LPIN1: variants seen among roughly 807,000 people sequenced by gnomAD.
The protein encoded by LPIN1 is phosphatidate phosphatase LPIN1.
Under a neutral mutation model 107.5 loss-of-function variants are expected in LPIN1, and 71 were observed. That is an observed-to-expected ratio of 0.66 (90% CI 0.55 to 0.80). LPIN1 has a LOEUF of 0.80. Ranked by LOEUF, LPIN1 falls within the 30% of genes least tolerant of loss-of-function variation. The pLI is 0.00. For missense variants in LPIN1, 1,043 were observed against 1,160.6 expected (o/e 0.90, Z 1.47); for synonymous variants, 445 against 452.6 (o/e 0.98, Z 0.21).
At chr2:11,777,055 T>G (rs1384607141) in intron 6 of LPIN1, among the ~76,000 whole-genome samples, 1 of 152,250 alleles carries the variant, frequency 6.6e-6, no homozygotes, top group Non-Finnish European at 1.5e-5. Flanking sequence ...ATAAGGCTAA[T>G]AAATACCTTG....
chr2:11,726,385 A>G (rs1664655501), intron 1 of LPIN1, among the ~76,000 whole-genome samples: 1 of 152,168 alleles, frequency 6.6e-6, no homozygotes, highest in South Asian at 2.1e-4. Context: ...ATAACCTGCA[A>G]GTGAATCCTA....
intron 1 of LPIN1, among the ~76,000 whole-genome samples, chr2:11,692,150 C>A (rs1268357917): frequency 6.6e-6 from 1 of 152,232 alleles, no homozygotes; most frequent in Non-Finnish European, 1.5e-5. Context: ...CTGAACATAC[C>A]TTGCTGTGCA....
intron 3 of LPIN1, among the ~76,000 whole-genome samples, chr2:11,770,314 A>T (rs555941905): frequency 6.6e-6 from 1 of 152,154 alleles, no homozygotes; most frequent in South Asian, 2.1e-4. Context: ...CTCCATACAG[A>T]TGCCTCTTAG....
chr2:11,693,333 G>A (rs4389306), intron 1 of LPIN1, among the ~76,000 whole-genome samples: 81,469 of 151,628 alleles, frequency 0.54, 22,794 homozygotes, highest in African/African-American at 0.7. Flanking sequence ...ACACTGATCT[G>A]GAGATCCCAG....
At chr2:11,823,375 C>A (rs1004014551) in intron 20 of LPIN1, among the ~76,000 whole-genome samples, 2 of 152,136 alleles carry the variant, frequency 1.3e-5, no homozygotes, top group African/African-American at 4.8e-5. Context: ...GCCTTAAAGC[C>A]GGGAGGTATT....
Position 11,755,578 on chromosome 2 carries a change from A to G in LPIN1, c.-10+8907A>G, listed in dbSNP as rs190410343. Among the ~76,000 whole-genome samples, 3 of 152,090 alleles carry G rather than the reference A, an allele frequency of 2.0e-5. No homozygotes were observed. The East Asian group carries it at 5.8e-4, about 29-fold the overall frequency. On this transcript the variant is annotated intron_variant, in intron 1 of 20. Coordinates refer to ENST00000674199, the MANE Select transcript of LPIN1 (RefSeq NM_001349206.2). ...ATGGCTGGGCTGGAGGGCTGAGGAG[A>G]AGGTTGAGGCTGAAAGATAGAGTTG...
chr2:11,723,911 C>G (rs1304430707), upstream of LPIN1: 1 of 152,182 alleles, frequency 6.6e-6, no homozygotes, highest in African/African-American at 2.4e-5. Context: ...ATTTAGGCAT[C>G]TTGATGCCTT....
At chr2:11,799,236 G>T (rs1472770807) in intron 14 of LPIN1, among the ~76,000 whole-genome samples, 1 of 152,032 alleles carries the variant, frequency 6.6e-6, no homozygotes, top group African/African-American at 2.4e-5. Context: ...ATGGCATGCT[G>T]CACAAATTTA....
intron 1 of LPIN1, chr2:11,677,831 C>A: frequency 1.9e-6 from 2 of 1,028,690 alleles, no homozygotes; most frequent in African/African-American, 1.6e-5. Context: ...CATTTGCGCC[C>A]AGAGCGCCTT....
At chr2:11,814,961 G>C in intron 17 of LPIN1, 127 bp from the exon 18 acceptor site, 5 of 847,150 alleles carry the variant, frequency 5.9e-6, no homozygotes, top group Non-Finnish European at 3.9e-6. Context: ...GTAGAATGTG[G>C]ACTTTTGTAT....
intron 1 of LPIN1, among the ~76,000 whole-genome samples, chr2:11,758,060 T>G (rs1407031160): frequency 1.3e-5 from 2 of 151,908 alleles, no homozygotes; most frequent in Non-Finnish European, 2.9e-5. Flanking sequence ...TTTAGCCTAC[T>G]GTCCTCAAGG....
chr2:11,697,927 C>T lies in LPIN1; in HGVS notation c.82-15829C>T, dbSNP rs1042437081. ...AGTCACAAGCCAGACTAGTCACGCA[C>T]CCCCGGCTGTGGGTGGCTTCCTGAC... On this transcript the variant is annotated intron_variant, in intron 1 of 21. Transcript: ENST00000449576. This position sits in a 1 kb window ranked among gnomAD's most constrained non-coding sequence, Gnocchi z 4.6. Among the ~76,000 whole-genome samples, 2 of 152,158 alleles carry T rather than the reference C, an allele frequency of 1.3e-5. No homozygotes were observed. Among genetic ancestry groups the T allele is most frequent in the African/African-American group, 4.8e-5 (2 of 41,422 alleles).
intron 1 of LPIN1, chr2:11,764,115 C>CAT (rs1670391701): frequency 1.4e-5 from 2 of 145,842 alleles, no homozygotes; most frequent in East Asian, 4.1e-4. Context: ...CACACACACA[C>CAT]ACACAACGAC....
At chr2:11,789,401 G>A (rs1441212112) in intron 12 of LPIN1, among the ~76,000 whole-genome samples, 5 of 152,074 alleles carry the variant, frequency 3.3e-5, no homozygotes, top group African/African-American at 1.2e-4. Context: ...ATGTGTGCAT[G>A]CTTGTGCAGG....
intron 2 of LPIN1, among the ~76,000 whole-genome samples, chr2:11,766,293 C>T (rs747001960): frequency 1.3e-5 from 2 of 151,812 alleles, no homozygotes; most frequent in Non-Finnish European, 2.9e-5. Context: ...TGGTTGGGGC[C>T]ATCACAAGCT....
intron 1 of LPIN1, among the ~76,000 whole-genome samples, chr2:11,762,206 A>G (rs1478711312): frequency 3.9e-5 from 6 of 152,142 alleles, no homozygotes; most frequent in African/African-American, 1.4e-4. Context: ...CGGAGTAGCC[A>G]GATGGAAGGG....
rs1262484269 is a variant in LPIN1 at position 11,759,123 on chromosome 2, GCTTTCTTTCTTTTCTTTCTTTCTTT to G, written c.-9-6397_-9-6373del. Among the ~76,000 whole-genome samples, 625 of 146,876 alleles carry G rather than the reference GCTTTCTTTCTTTTCTTTCTTTCTTT, an allele frequency of 4.3e-3. 3 individuals carry two copies. The highest frequency in any genetic ancestry group is 6.8e-3 in the Non-Finnish European group (454 of 66,646). On this transcript the variant is annotated intron_variant, in intron 1 of 20. Transcript: ENST00000674199. ...TATCCAGTTATGAGCTAGCTAGCTT[GCTTTCTTTCTTTTCTTTCTTTCTTT>G]CTTTCTTTCTTTCTTTCTTTCTTTC...
chr2:11,746,608 CGCTGACAGCCGGCGGCGG>C (rs1666957077), upstream of LPIN1: 2 of 984,960 alleles, frequency 2.0e-6, no homozygotes, highest in African/African-American at 3.5e-5. Context: ...AGGCGAGCTG[CGCTGACAGCCGGCGGCGG>C]GCTGGGTGTT....
chr2:11,810,947 C>CT (rs1286025602), intron 17 of LPIN1, among the ~76,000 whole-genome samples: 7 of 150,258 alleles, frequency 4.7e-5, no homozygotes, highest in East Asian at 1.9e-4. Context: ...ATGGATCCCT[C>CT]TTTTTTTTTT....
Sources: allele counts gnomAD v4.1 joint callset (sites outside exome capture counted in the v4.1 genomes callset), GRCh38; gene constraint gnomAD v4.1.1; non-coding constraint Gnocchi (gnomAD v3.1); transcripts MANE v1.5; gene names NCBI Gene and HGNC (gene_info 2026-07-23, HGNC 2026-07-21).